LDHC: variants seen among roughly 807,000 people sequenced by gnomAD.
LDHC encodes L-lactate dehydrogenase C chain.
A neutral mutation model predicts 30.2 loss-of-function variants in LDHC; 20 were observed. The observed-to-expected ratio is 0.66, with a 90% CI of 0.47 to 0.96. LDHC has a LOEUF of 0.96. Ranked by LOEUF, LDHC falls within the 40% of genes least tolerant of loss-of-function variation. The pLI, the probability that LDHC is intolerant of heterozygous loss-of-function variation, is 0.00. For synonymous variants in LDHC, 139 were observed against 132.7 expected (o/e 1.05, Z -0.32); for missense variants, 362 against 394.9 (o/e 0.92, Z 0.71).
intron 3 of LDHC, among the ~76,000 whole-genome samples, chr11:18,418,719 A>G (rs1867067889): frequency 6.6e-6 from 1 of 152,038 alleles, no homozygotes; most frequent in African/African-American, 2.4e-5. Context: ...GAGCCACCGC[A>G]CCTGGCCATA....
chr11:18,451,306 G>T lies in LDHC; in HGVS notation c.*179G>T, dbSNP rs1172991079. 3 of 461,854 alleles carry T rather than the reference G, an allele frequency of 6.5e-6. No individual in the cohort carries two copies. In the Admixed American group the frequency reaches 1.3e-4, roughly 21 times the overall value. The allele number at this position is 461,854 out of a possible 1,614,324, so 28.6% of individuals were successfully genotyped here. ...ATGGTAAAGAGATTTTCCTCTTTAA[G>T]AATCATTTATAGCTCTATTCTAATG... On this transcript the variant is annotated 3_prime_UTR_variant, in exon 8 of 8. Transcript: ENST00000541669.
chr11:18,434,678 GAA>G (rs142658881), intron 4 of LDHC, 60 bp from the exon 5 acceptor site: 2 of 981,904 alleles, frequency 2.0e-6, no homozygotes, highest in Non-Finnish European at 3.1e-6. Flanking sequence ...ATGTATTCAG[GAA>G]AAAAAAAATT....
intron 7 of LDHC, among the ~76,000 whole-genome samples, chr11:18,448,806 G>T (rs1223348274): frequency 2.6e-5 from 4 of 151,254 alleles, no homozygotes; most frequent in African/African-American, 9.7e-5. Flanking sequence ...TTCACAGCTG[G>T]TCCAAGAGCA....
At chr11:18,440,561 A>C (rs1848447138) in intron 6 of LDHC, among the ~76,000 whole-genome samples, 1 of 152,170 alleles carries the variant, frequency 6.6e-6, no homozygotes, top group Non-Finnish European at 1.5e-5. Flanking sequence ...AGTAGTAATG[A>C]CTGCACAGCA....
Position 18,451,204 on chromosome 11 carries a change from T to C in LDHC, c.*77T>C. On this transcript the variant is annotated 3_prime_UTR_variant, in exon 8 of 8. Transcript: ENST00000541669. ...TGTATTTTAAATTTTGAAAGTATTTTCATTTGATCTTTAAAAAATAAAAAC... is the reference window on the plus strand; with the variant it reads ...TGTATTTTAAATTTTGAAAGTATTTCCATTTGATCTTTAAAAAATAAAAAC... 1.0e-6 allele frequency: 1 copy of C among 990,572 alleles called. No homozygotes were observed. Among genetic ancestry groups the C allele is most frequent in the Non-Finnish European group, 1.4e-6 (1 of 704,028 alleles). 61.4% of individuals were successfully genotyped at this position (990,572 alleles called of 1,614,324 possible). A position where few individuals can be genotyped will look rare whatever the true frequency, so the allele number is the denominator to read the frequency against.
intron 3 of LDHC, among the ~76,000 whole-genome samples, chr11:18,422,429 A>C (rs902452383): frequency 4.0e-5 from 6 of 151,416 alleles, no homozygotes; most frequent in African/African-American, 1.5e-4. Context: ...AATGGTGCAC[A>C]CCTGTAATCC....
At chr11:18,416,466 A>C (rs1565046393) in intron 3 of LDHC, among the ~76,000 whole-genome samples, 1 of 152,204 alleles carries the variant, frequency 6.6e-6, no homozygotes, top group Non-Finnish European at 1.5e-5. Context: ...TATACTTTCT[A>C]CTAGAAGCCC....
chr11:18,415,359 A>G, intron 3 of LDHC, 58 bp downstream of exon 3: 1 of 866,050 alleles, frequency 1.2e-6, no homozygotes, highest in Non-Finnish European at 1.9e-6. Flanking sequence ...AATAAATTTT[A>G]CCAAACAGAT....
At chr11:18,440,790 G>A (rs1441627063) in intron 6 of LDHC, among the ~76,000 whole-genome samples, 1 of 63,438 alleles carries the variant, frequency 1.6e-5, no homozygotes, top group Non-Finnish European at 3.5e-5. Flanking sequence ...AATTAGCCAG[G>A]CATGGTGGTA....
chr11:18,434,896 A>T lies in LDHC; in HGVS notation c.575A>T (p.Glu192Val). Reference protein sequence around the residue: ...PTSCHGWIIGEHGDSSVPLWS... With the variant: ...PTSCHGWIIGVHGDSSVPLWS... ...AGCTGCCATGGTTGGATTATTGGAGAACATGGTGATTCTAGTGGTAAGTAT... is the reference window on the plus strand; with the variant it reads ...AGCTGCCATGGTTGGATTATTGGAGTACATGGTGATTCTAGTGGTAAGTAT... The change falls in exon 5 of 8, where the codon GAA (glutamate) becomes GTA (valine). Residue 192 changes from glutamate (E) to valine (V), a missense_variant. Physicochemically the swap from Glu to Val is moderately radical, Grantham distance 121. Transcript: ENST00000541669. 1 of 1,612,144 alleles carries T rather than the reference A, an allele frequency of 6.2e-7. No homozygotes were observed. Among genetic ancestry groups the T allele is most frequent in the African/African-American group, 1.3e-5 (1 of 74,984 alleles).
chr11:18,419,719 A>G (rs1299215498), intron 3 of LDHC, among the ~76,000 whole-genome samples: 5 of 152,214 alleles, frequency 3.3e-5, no homozygotes, highest in Non-Finnish European at 7.3e-5. Context: ...AAAATAAAGA[A>G]CAGACTTGAA....
chr11:18,435,386 G>A (rs1465332616), intron 5 of LDHC, among the ~76,000 whole-genome samples: 1 of 151,948 alleles, frequency 6.6e-6, no homozygotes, highest in Non-Finnish European at 1.5e-5. Context: ...GTGAGATCTG[G>A]TTGTTTAAAA....
At chr11:18,433,924 T>C (rs1462187097) in intron 4 of LDHC, among the ~76,000 whole-genome samples, 1 of 152,228 alleles carries the variant, frequency 6.6e-6, no homozygotes, top group East Asian at 1.9e-4. Context: ...ATTGTCTTCT[T>C]CCTCAGGAAC....
At chr11:18,429,374 G>A (rs945274546) in intron 3 of LDHC, among the ~76,000 whole-genome samples, 25 of 152,128 alleles carry the variant, frequency 1.6e-4, no homozygotes, top group African/African-American at 5.6e-4. Flanking sequence ...GCCTCCCAAA[G>A]TTCTGGGATT....
intron 6 of LDHC, 34 bp downstream of exon 6, chr11:18,438,679 A>G: frequency 9.2e-7 from 1 of 1,085,964 alleles, no homozygotes; most frequent in African/African-American, 1.5e-5. Context: ...TAATGCCTTA[A>G]TAGTCAGTCT....
At chr11:18,430,825 A>G (rs1186656710) in intron 4 of LDHC, among the ~76,000 whole-genome samples, 2 of 152,142 alleles carry the variant, frequency 1.3e-5, no homozygotes, top group African/African-American at 4.8e-5. Context: ...ACCTGGGAGT[A>G]ACATACGTGG....
chr11:18,440,173 G>T (rs1050317770), intron 6 of LDHC, among the ~76,000 whole-genome samples: 1 of 149,760 alleles, frequency 6.7e-6, no homozygotes, highest in Non-Finnish European at 1.5e-5. Context: ...AATTAGCCGG[G>T]TGTGGTGGTG....
At chr11:18,439,653 T>C (rs1404463986) in intron 6 of LDHC, among the ~76,000 whole-genome samples, 2 of 150,826 alleles carry the variant, frequency 1.3e-5, no homozygotes, top group East Asian at 3.9e-4. Context: ...ACAAGTCTAC[T>C]GTATGTATAC....
intron 3 of LDHC, among the ~76,000 whole-genome samples, chr11:18,427,746 C>T (rs1038317256): frequency 3.1e-4 from 47 of 150,184 alleles, no homozygotes; most frequent in Non-Finnish European, 6.0e-4. Flanking sequence ...GGCACAGTCT[C>T]GGCTCACTGC....
Sources: allele counts gnomAD v4.1 joint callset (sites outside exome capture counted in the v4.1 genomes callset), GRCh38; gene constraint gnomAD v4.1.1; transcripts MANE v1.5; gene names NCBI Gene and HGNC (gene_info 2026-07-23, HGNC 2026-07-21).